Variants in NTRK2 observed in about 807,000 individuals in gnomAD.
NTRK2 encodes neurotrophic receptor tyrosine kinase 2, also known as BDNF/NT-3 growth factors receptor.
A neutral mutation model predicts 94.5 loss-of-function variants in NTRK2; 13 were observed. The observed-to-expected ratio is 0.14, with a 90% CI of 0.09 to 0.22. The LOEUF is 0.22. Among genes scored for constraint, NTRK2 ranks in the 10% least tolerant of loss-of-function variants. The pLI is 1.00. For missense variants in NTRK2, 639 were observed against 1,071.2 expected, an observed-to-expected ratio of 0.60 and a Z score of 5.63; for synonymous variants, 372 against 407.4, an observed-to-expected ratio of 0.91 and a Z score of 1.05.
intron 14 of NTRK2, among the ~76,000 whole-genome samples, chr9:84,869,514 C>T (rs1457061941): frequency 6.6e-6 from 1 of 150,976 alleles, no homozygotes; most frequent in Non-Finnish European, 1.5e-5. Context: ...AAGCGATTTA[C>T]TTCTTTCCTT....
At chr9:84,748,082 T>C (rs1386984667) in intron 11 of NTRK2, among the ~76,000 whole-genome samples, 5 of 152,230 alleles carry the variant, frequency 3.3e-5, no homozygotes, top group Admixed American at 3.3e-4. Context: ...TCCAGCATTT[T>C]GTTGGATTTG....
intron 12 of NTRK2, chr9:84,813,618 A>C: frequency 9.4e-7 from 1 of 1,066,084 alleles, no homozygotes; most frequent in Non-Finnish European, 1.1e-6. Flanking sequence ...GATTCCCACC[A>C]TGCTGTGACC....
intron 2 of NTRK2, among the ~76,000 whole-genome samples, chr9:84,672,718 A>C (rs1455257748): frequency 6.6e-6 from 1 of 152,210 alleles, no homozygotes; most frequent in African/African-American, 2.4e-5. Flanking sequence ...CCATGATCTG[A>C]GAAAAAGGAA....
chr9:84,948,930 T>A (rs1471019909), intron 16 of NTRK2, among the ~76,000 whole-genome samples: 1 of 152,236 alleles, frequency 6.6e-6, no homozygotes, highest in Non-Finnish European at 1.5e-5. Flanking sequence ...GGATGGGTTT[T>A]AGATGATCTG....
chr9:84,675,323 C>CTTTTTTTTTTTTTTTTTTTTTTTTTTTTT (rs1564023863), intron 2 of NTRK2, among the ~76,000 whole-genome samples: 1 of 69,560 alleles, frequency 1.4e-5, no homozygotes, highest in African/African-American at 5.6e-5. Context: ...TTCTTTCTTT[C>CTTTTTTTTTTTTTTTTTTTTTTTTTTTTT]CTTTTTTTTT....
At chr9:84,728,641 C>CT (rs1172784859) in intron 9 of NTRK2, among the ~76,000 whole-genome samples, 1 of 152,084 alleles carries the variant, frequency 6.6e-6, no homozygotes, top group Non-Finnish European at 1.5e-5. Context: ...AAATTAGTGT[C>CT]TTGGACTGTT....
chr9:84,689,701 T>A (rs559748255), intron 2 of NTRK2, among the ~76,000 whole-genome samples: 80 of 152,346 alleles, frequency 5.3e-4, no homozygotes, highest in Non-Finnish European at 9.6e-4. Context: ...CCACGTGTTG[T>A]GTAACCATCA....
At chr9:84,983,007 A>G (rs887321551) in intron 17 of NTRK2, among the ~76,000 whole-genome samples, 1 of 152,078 alleles carries the variant, frequency 6.6e-6, no homozygotes, top group Non-Finnish European at 1.5e-5. Flanking sequence ...GGCAAATCAA[A>G]TATAGGGAAG....
At chr9:84,682,582 T>A (rs1231847249) in intron 2 of NTRK2, among the ~76,000 whole-genome samples, 1 of 152,106 alleles carries the variant, frequency 6.6e-6, no homozygotes, top group African/African-American at 2.4e-5. Flanking sequence ...CCAATCTTGT[T>A]GCCCAAATTC....
intron 5 of NTRK2, among the ~76,000 whole-genome samples, chr9:84,708,530 G>A (rs1180155022): frequency 1.3e-5 from 2 of 152,160 alleles, no homozygotes; most frequent in Non-Finnish European, 2.9e-5. Flanking sequence ...ATTTCCAAGT[G>A]AGCTCCATTC....
intron 15 of NTRK2, among the ~76,000 whole-genome samples, chr9:84,943,916 A>G (rs2078499029): frequency 6.6e-6 from 1 of 152,078 alleles, no homozygotes; most frequent in African/African-American, 2.4e-5. Flanking sequence ...TTACCACCAT[A>G]TTTTCTGAAT....
At chr9:84,979,824 C>T (rs1827360789) in intron 17 of NTRK2, among the ~76,000 whole-genome samples, 1 of 152,210 alleles carries the variant, frequency 6.6e-6, no homozygotes, top group Non-Finnish European at 1.5e-5. Flanking sequence ...CAGGAGCTGT[C>T]ACCACGAAGG....
intron 12 of NTRK2, among the ~76,000 whole-genome samples, chr9:84,833,254 T>C (rs2073676742): frequency 6.6e-6 from 1 of 152,078 alleles, no homozygotes; most frequent in Non-Finnish European, 1.5e-5. Flanking sequence ...CCTGGAGAGA[T>C]TTTTAAAATA....
chr9:84,900,032 C>A (rs549294935), intron 14 of NTRK2, among the ~76,000 whole-genome samples: 2 of 152,186 alleles, frequency 1.3e-5, no homozygotes, highest in Non-Finnish European at 1.5e-5. Context: ...GTTACAGGAA[C>A]AACTTACTTT....
intron 17 of NTRK2, among the ~76,000 whole-genome samples, chr9:84,992,426 G>T (rs1411076860): frequency 1.3e-5 from 2 of 151,924 alleles, no homozygotes; most frequent in Non-Finnish European, 2.9e-5. Flanking sequence ...AGTGTTCCTG[G>T]TCCCCAGCCC....
intron 17 of NTRK2, among the ~76,000 whole-genome samples, chr9:85,010,439 G>A (rs1831435298): frequency 1.3e-5 from 2 of 152,284 alleles, no homozygotes; most frequent in South Asian, 4.2e-4. Flanking sequence ...ATAATGCTCA[G>A]GAGGCCATGA....
chr9:84,789,564 C>G (rs2068509039), intron 12 of NTRK2, among the ~76,000 whole-genome samples: 2 of 152,278 alleles, frequency 1.3e-5, no homozygotes, highest in African/African-American at 4.8e-5. Flanking sequence ...AGGACAGCTT[C>G]CTTGGGGAAG....
At chr9:84,840,131 T>C (rs1296119672) in intron 12 of NTRK2, among the ~76,000 whole-genome samples, 1 of 152,154 alleles carries the variant, frequency 6.6e-6, no homozygotes, top group Non-Finnish European at 1.5e-5. Context: ...GTTCTAAGTT[T>C]GGTCCTTTGT....
chr9:84,673,874 C>G (rs776978861), intron 2 of NTRK2, among the ~76,000 whole-genome samples: 31 of 152,352 alleles, frequency 2.0e-4, no homozygotes, highest in Non-Finnish European at 4.1e-4. Context: ...CAACATCACA[C>G]TGCTAAGTGG....
Sources: allele counts gnomAD v4.1 joint callset (sites outside exome capture counted in the v4.1 genomes callset), GRCh38; gene constraint gnomAD v4.1.1; transcripts MANE v1.5; gene names NCBI Gene and HGNC (gene_info 2026-07-23, HGNC 2026-07-21).